Variants in RPA2 observed in about 807,000 individuals in gnomAD.
The protein encoded by RPA2 is replication protein A2, also known as replication protein A 32 kDa subunit.
In RPA2, 22 loss-of-function variants were observed where a neutral mutation model predicts 33.4. The observed-to-expected ratio is 0.66, with a 90% confidence interval of 0.47 to 0.94. RPA2 has a LOEUF of 0.94. RPA2 is among the 40% of genes least tolerant of loss of function. The pLI, the probability that RPA2 is intolerant of heterozygous loss-of-function variation, is 0.00. For missense variants in RPA2, 279 were observed against 329.9 expected (o/e 0.85, Z 1.19); for synonymous variants, 109 against 114.9 (o/e 0.95, Z 0.33).
intron 2 of RPA2, among the ~76,000 whole-genome samples, chr1:27,913,245 G>A (rs571539790): frequency 5.3e-5 from 8 of 151,168 alleles, no homozygotes; most frequent in African/African-American, 1.7e-4. Flanking sequence ...GAGCCACCGC[G>A]GCTGGCCCAA....
chr1:27,913,387 G>C (rs1453561761), intron 2 of RPA2, among the ~76,000 whole-genome samples: 3 of 150,954 alleles, frequency 2.0e-5, no homozygotes, highest in Non-Finnish European at 4.4e-5. Context: ...TCGGGAGTTG[G>C]AGACCAGCCT....
chr1:27,898,598 T>C (rs2089921528), intron 4 of RPA2, among the ~76,000 whole-genome samples: 1 of 149,430 alleles, frequency 6.7e-6, no homozygotes, highest in African/African-American at 2.5e-5. Context: ...CAGACTGGAG[T>C]GGAGCGGCAT....
At chr1:27,893,097 G>A (rs566979463) in intron 8 of RPA2, among the ~76,000 whole-genome samples, 35 of 152,260 alleles carry the variant, frequency 2.3e-4, no homozygotes, top group Admixed American at 1.2e-3. Context: ...TACACCTGAC[G>A]ACCAGGAGCT....
chr1:27,914,632 C>G (rs1321573810), upstream of RPA2: 2 of 1,613,806 alleles, frequency 1.2e-6, no homozygotes, highest in Non-Finnish European at 8.5e-7. Context: ...CTCACGGATG[C>G]TACGCTTGTT....
chr1:27,892,839 G>A (rs2089841955), intron 8 of RPA2, among the ~76,000 whole-genome samples: 1 of 152,154 alleles, frequency 6.6e-6, no homozygotes, highest in Admixed American at 6.6e-5. Context: ...TACAGGACAG[G>A]AAATGGAATC....
At chr1:27,912,528 T>G (rs2090112287) in intron 2 of RPA2, among the ~76,000 whole-genome samples, 1 of 152,148 alleles carries the variant, frequency 6.6e-6, no homozygotes, top group Non-Finnish European at 1.5e-5. Context: ...CTCTCCAGCC[T>G]GGCAGAGACC....
intron 2 of RPA2, among the ~76,000 whole-genome samples, chr1:27,908,438 G>A (rs2090057886): frequency 1.3e-5 from 2 of 152,042 alleles, no homozygotes; most frequent in South Asian, 2.1e-4. Context: ...CATGTTGGAC[G>A]TCTTAGGGGG....
At position 27,892,040 on chromosome 1, in the gene RPA2, G is replaced by C; in HGVS notation, c.*123C>G. On this transcript the variant is annotated 3_prime_UTR_variant, in exon 9 of 9. Coordinates refer to ENST00000373912, the MANE Select transcript of RPA2 (RefSeq NM_002946.5). The stretch of plus-strand genomic sequence containing the variant: ...TAAGTTTCAAAAGGAAGTCAGAGGA[G>C]ACATTTGATAGATGAAACCTACTTC... 1 of 671,276 alleles carries C rather than the reference G, an allele frequency of 1.5e-6. No individual in the cohort carries two copies. 41.6% of individuals were successfully genotyped at this position (671,276 alleles called of 1,614,324 possible). A position where few individuals can be genotyped will look rare whatever the true frequency, so the allele number is the denominator to read the frequency against.
chr1:27,907,033 A>G lies in RPA2; in HGVS notation c.228T>C (p.Ile76=), dbSNP rs759856284. Residue 76 remains isoleucine, a synonymous_variant, in exon 4 of 9, where the codon ATT becomes ATC. Coordinates refer to ENST00000373912, the MANE Select transcript of RPA2 (RefSeq NM_002946.5). ...TCTCTGCATGTCTGATGATCCCCAC[A>G]ATAGTGACCTAGGTTAGAAGAAACA... ...IGNVEISQVT[I]VGIIRHAEKA... 6.2e-7 allele frequency: 1 copy of G among 1,609,604 alleles called. No homozygotes were observed. The highest frequency in any genetic ancestry group is 1.1e-5 in the South Asian group (1 of 89,580).
rs556863625 is a variant in RPA2 at position 27,906,016 on chromosome 1, G to A, written c.333+912C>T. On this transcript the variant is annotated intron_variant, in intron 4 of 8. Transcript: ENST00000373912. ...TTCATTTAAACAATACTTATTCCAGGACCACTATGTGACTAGCACTGCTCT... is the reference window on the plus strand; with the variant it reads ...TTCATTTAAACAATACTTATTCCAGAACCACTATGTGACTAGCACTGCTCT... Among the ~76,000 whole-genome samples, 42 of 152,176 alleles carry A rather than the reference G, an allele frequency of 2.8e-4. No individual in the cohort carries two copies. The Middle Eastern group carries it at 0.01, about 37-fold the overall frequency.
At chr1:27,912,472 A>G (rs2090109993) in intron 2 of RPA2, among the ~76,000 whole-genome samples, 1 of 151,948 alleles carries the variant, frequency 6.6e-6, no homozygotes, top group Non-Finnish European at 1.5e-5. Flanking sequence ...TGATCACTTG[A>G]GGCATGGAGG....
At chr1:27,911,317 A>T (rs1158369493) in intron 2 of RPA2, among the ~76,000 whole-genome samples, 25 of 151,668 alleles carry the variant, frequency 1.6e-4, no homozygotes. Flanking sequence ...CTTTAGCCCA[A>T]GAGTTTGAGA....
chr1:27,901,726 T>C (rs531323063), intron 4 of RPA2, among the ~76,000 whole-genome samples: 82 of 152,260 alleles, frequency 5.4e-4, no homozygotes, highest in Non-Finnish European at 1.1e-3. Flanking sequence ...TAGTAGAAGC[T>C]TCCGAAAGGT....
chr1:27,894,271 C>T lies in RPA2; in HGVS notation c.633+19G>A. The T allele has an allele frequency of 1.2e-6, 2 of 1,605,556 alleles. No homozygotes were observed. Among genetic ancestry groups the T allele is most frequent in the Non-Finnish European group, 1.7e-6 (2 of 1,173,694 alleles). On this transcript the variant is annotated intron_variant, in intron 7 of 8. Transcript: ENST00000373912. ...CTATCTGTGTTTTGTATTTCTGAAG[C>T]CACTCTGGTGGAGGTTACCTGGTTT... is the stretch of plus-strand genomic sequence containing the variant.
intron 4 of RPA2, among the ~76,000 whole-genome samples, chr1:27,898,164 C>G (rs1387904476): frequency 6.6e-6 from 1 of 152,042 alleles, no homozygotes; most frequent in Non-Finnish European, 1.5e-5. Context: ...GCCCGGCAGG[C>G]ACACAATTTT....
intron 2 of RPA2, among the ~76,000 whole-genome samples, chr1:27,912,711 G>A (rs1295799451): frequency 6.6e-6 from 1 of 152,184 alleles, no homozygotes; most frequent in African/African-American, 2.4e-5. Flanking sequence ...CCTTCAAGAT[G>A]CTTTCCTGAA....
intron 8 of RPA2, among the ~76,000 whole-genome samples, 184 bp downstream of exon 8, chr1:27,893,828 C>T (rs182720967): frequency 1.1e-4 from 17 of 151,968 alleles, no homozygotes; most frequent in African/African-American, 3.6e-4. Flanking sequence ...AGGCTGGTCT[C>T]GAACTCCTGA....
intron 4 of RPA2, among the ~76,000 whole-genome samples, chr1:27,901,021 C>T (rs970880619): frequency 6.6e-6 from 1 of 152,120 alleles, no homozygotes; most frequent in Non-Finnish European, 1.5e-5. Flanking sequence ...GTTAAAACGA[C>T]AATAAAGGAT....
chr1:27,903,577 G>A (rs1052377107), intron 4 of RPA2, among the ~76,000 whole-genome samples: 1 of 151,782 alleles, frequency 6.6e-6, no homozygotes, highest in Non-Finnish European at 1.5e-5. Context: ...AAATCAGTTG[G>A]GTGTGGTGGT....
Sources: allele counts gnomAD v4.1 joint callset (sites outside exome capture counted in the v4.1 genomes callset), GRCh38; gene constraint gnomAD v4.1.1; transcripts MANE v1.5; gene names NCBI Gene and HGNC (gene_info 2026-07-23, HGNC 2026-07-21).